DPYD: variants seen among roughly 807,000 people sequenced by gnomAD.
DPYD encodes dihydropyrimidine dehydrogenase [NADP(+)].
Under a neutral mutation model 116.2 loss-of-function variants are expected in DPYD, and 109 were observed. That is an observed-to-expected ratio of 0.94 (90% CI 0.80 to 1.10). The LOEUF is 1.10. Among genes scored for constraint, DPYD ranks in the 50% least tolerant of loss-of-function variants. DPYD has a pLI of 0.00. For synonymous variants in DPYD, 440 were observed against 432.0 expected, an observed-to-expected ratio of 1.02 and a Z score of -0.23; for missense variants, 1,302 against 1,254.5, an observed-to-expected ratio of 1.04 and a Z score of -0.57.
chr1:97,393,817 T>A (rs1173888159), intron 14 of DPYD, among the ~76,000 whole-genome samples: 1 of 152,132 alleles, frequency 6.6e-6, no homozygotes, highest in East Asian at 1.9e-4. Flanking sequence ...AGTAATGGGA[T>A]CACTGGGTCA....
intron 16 of DPYD, among the ~76,000 whole-genome samples, chr1:97,327,927 A>G (rs1220627684): frequency 1.3e-5 from 2 of 152,152 alleles, no homozygotes; most frequent in African/African-American, 2.4e-5. Context: ...ATACATAACA[A>G]TAGGCATTTA....
intron 3 of DPYD, among the ~76,000 whole-genome samples, chr1:97,810,546 A>C (rs1668304872): frequency 6.6e-6 from 1 of 151,970 alleles, no homozygotes; most frequent in Non-Finnish European, 1.5e-5. Flanking sequence ...TACACCAGAG[A>C]CCTGACTGTT....
intron 15 of DPYD, among the ~76,000 whole-genome samples, chr1:97,381,251 T>C (rs762810084): frequency 7.9e-5 from 12 of 152,178 alleles, no homozygotes; most frequent in Non-Finnish European, 1.5e-4. Context: ...TATCTTTAGG[T>C]TAGCTAGTTT....
chr1:97,144,206 G>A (rs1654444862), intron 20 of DPYD, among the ~76,000 whole-genome samples: 1 of 152,156 alleles, frequency 6.6e-6, no homozygotes. Context: ...AGAGACATAG[G>A]CAAATGCCTT....
intron 18 of DPYD, among the ~76,000 whole-genome samples, chr1:97,245,921 T>C (rs1662688561): frequency 6.6e-6 from 1 of 152,134 alleles, no homozygotes; most frequent in Non-Finnish European, 1.5e-5. Flanking sequence ...TTACAAAGAA[T>C]TACATGTGTT....
chr1:97,444,349 G>A (rs1239746096), intron 14 of DPYD, among the ~76,000 whole-genome samples: 1 of 152,110 alleles, frequency 6.6e-6, no homozygotes, highest in Non-Finnish European at 1.5e-5. Flanking sequence ...ACCCAAGACA[G>A]TCAATGCAAT....
chr1:97,291,864 A>G (rs1046805119), intron 18 of DPYD, among the ~76,000 whole-genome samples: 3 of 151,938 alleles, frequency 2.0e-5, no homozygotes, highest in Admixed American at 6.6e-5. Context: ...AACCCTAAAA[A>G]AAACCCTAAA....
At chr1:97,194,848 G>T (rs937761393) in intron 19 of DPYD, among the ~76,000 whole-genome samples, 2 of 152,024 alleles carry the variant, frequency 1.3e-5, no homozygotes, top group Non-Finnish European at 2.9e-5. Context: ...TATTACAAAA[G>T]ATTAAAAAGA....
Position 97,243,224 on chromosome 1 carries a change from T to A in DPYD, c.2300-8230A>T, listed in dbSNP as rs74104321. On this transcript the variant is annotated intron_variant, in intron 18 of 22. Coordinates refer to ENST00000370192, the MANE Select transcript of DPYD (RefSeq NM_000110.4). ...TTGGTAGTTTAAGAGCAATTTTATA[T>A]GCTCTATAGTTTTCCAACAGATACC... Among the ~76,000 whole-genome samples the A allele has an allele frequency of 6.0e-3, 915 of 152,032 alleles. 8 individuals carry two copies. Among genetic ancestry groups the A allele is most frequent in the African/African-American group, 0.021 (865 of 41,542 alleles).
chr1:97,115,695 T>C (rs1651914964), intron 20 of DPYD, among the ~76,000 whole-genome samples: 1 of 152,158 alleles, frequency 6.6e-6, no homozygotes, highest in South Asian at 2.1e-4. Flanking sequence ...GGAAGAAAAT[T>C]ACAATCATTA....
intron 13 of DPYD, among the ~76,000 whole-genome samples, chr1:97,460,642 G>A (rs1676963143): frequency 6.6e-6 from 1 of 152,130 alleles, no homozygotes. Context: ...CTTCTCAGAA[G>A]TTTCTTTTAT....
intron 18 of DPYD, among the ~76,000 whole-genome samples, chr1:97,255,707 C>CG (rs1169286920): frequency 2.0e-4 from 12 of 59,740 alleles, no homozygotes; most frequent in African/African-American, 1.1e-3. Flanking sequence ...TTATTTTTGC[C>CG]GTTTTTTTTT....
chr1:97,112,277 T>C (rs2101626128), intron 20 of DPYD, among the ~76,000 whole-genome samples: 1 of 152,294 alleles, frequency 6.6e-6, no homozygotes, highest in East Asian at 1.9e-4. Context: ...GTCAATGGAT[T>C]AAGCATGTTG....
At chr1:97,780,250 T>C (rs748612813) in intron 3 of DPYD, among the ~76,000 whole-genome samples, 28 of 152,122 alleles carry the variant, frequency 1.8e-4, no homozygotes, top group Non-Finnish European at 3.2e-4. Flanking sequence ...AAATCATAAA[T>C]GGGGAAAAAT....
chr1:97,839,345 A>G (rs750074205), intron 2 of DPYD, among the ~76,000 whole-genome samples: 12 of 152,194 alleles, frequency 7.9e-5, no homozygotes, highest in Non-Finnish European at 1.8e-4. Context: ...CCTAACATCT[A>G]ATTCTACTCC....
chr1:97,538,235 G>T (rs1404021521), intron 12 of DPYD, among the ~76,000 whole-genome samples: 1 of 152,150 alleles, frequency 6.6e-6, no homozygotes, highest in Admixed American at 6.5e-5. Flanking sequence ...GGAATATCTA[G>T]CAATGACTGG....
intron 14 of DPYD, among the ~76,000 whole-genome samples, chr1:97,438,487 ATTTAT>A (rs1675588779): frequency 6.6e-6 from 1 of 152,010 alleles, no homozygotes; most frequent in Admixed American, 6.6e-5. Context: ...TAAATGATAT[ATTTAT>A]TTTAATTTCC....
intron 19 of DPYD, among the ~76,000 whole-genome samples, chr1:97,195,511 T>G: frequency 1.2e-5 from 1 of 80,188 alleles, no homozygotes; most frequent in Non-Finnish European, 2.3e-5. Flanking sequence ...GAATGGGGAA[T>G]GGGATAAGGA....
intron 21 of DPYD, among the ~76,000 whole-genome samples, chr1:97,092,743 C>G (rs570964236): frequency 6.6e-6 from 1 of 152,128 alleles, no homozygotes; most frequent in Admixed American, 6.5e-5. Flanking sequence ...CCCCAAACTC[C>G]CCTCAAACCT....
Sources: gnomAD v4.1 joint callset for allele counts (sites outside exome capture counted in the v4.1 genomes callset) on GRCh38, gnomAD v4.1.1 for gene constraint, MANE v1.5 for transcripts, NCBI Gene and HGNC (gene_info 2026-07-23, HGNC 2026-07-21) for gene names.